The following NSD2 variants were observed in gnomAD, a reference collection of about 807,000 sequenced individuals.
The protein encoded by NSD2 is histone-lysine N-methyltransferase NSD2.
In NSD2, 12 loss-of-function variants were observed where a neutral mutation model predicts 139.0. The observed-to-expected ratio is 0.09, with a 90% CI of 0.06 to 0.14. The LOEUF (loss-of-function observed/expected upper bound fraction) is 0.14. NSD2 is among the 10% of genes least tolerant of loss of function. NSD2 has a pLI of 1.00. For synonymous variants in NSD2, 669 were observed against 648.7 expected (o/e 1.03, Z -0.48); for missense variants, 1,155 against 1,745.0 (o/e 0.66, Z 6.02).
rs577301572 is a variant in NSD2 at position 1,943,736 on chromosome 4, C to A, written c.1881+3958C>A. The A allele has an allele frequency of 4.1e-5, 43 of 1,055,598 alleles. No individual in the cohort carries two copies. In the South Asian group the frequency reaches 5.9e-4, roughly 15 times the overall value. The allele number at this position is 1,055,598 out of a possible 1,614,324, so 65.4% of individuals were successfully genotyped here. The stretch of plus-strand genomic sequence containing the variant: ...TAAAATTAAAATTCTCAAAAAAAAA[C>A]CCCACGAAATTTAAAGATGGGGAAA... On this transcript the variant is annotated intron_variant, in intron 9 of 21. Coordinates refer to ENST00000508803, the MANE Select transcript of NSD2 (RefSeq NM_001042424.3).
chr4:1,969,979 C>T (rs1002268005), intron 18 of NSD2, among the ~76,000 whole-genome samples: 4 of 152,106 alleles, frequency 2.6e-5, no homozygotes, highest in Non-Finnish European at 5.9e-5. Context: ...ACCACAAGAA[C>T]GGCACGAAGG....
chr4:1,936,294 A>G (rs1019883176), intron 7 of NSD2, among the ~76,000 whole-genome samples: 4 of 152,172 alleles, frequency 2.6e-5, no homozygotes, highest in Admixed American at 6.5e-5. Flanking sequence ...ATTCATTTCA[A>G]CTGTCTCAGA....
At chr4:1,910,389 C>T (rs1226230366) in intron 3 of NSD2, among the ~76,000 whole-genome samples, 3 of 151,984 alleles carry the variant, frequency 2.0e-5, no homozygotes, top group African/African-American at 7.3e-5. Context: ...CCACACCCGA[C>T]TAATTTTGTA....
intron 12 of NSD2, among the ~76,000 whole-genome samples, chr4:1,954,370 T>G (rs1338387128): frequency 3.9e-5 from 6 of 152,146 alleles, no homozygotes; most frequent in East Asian, 1.9e-4. Flanking sequence ...CTGACCTCTT[T>G]TCTTTTTTTT....
At chr4:1,884,874 C>T (rs891685213) in intron 1 of NSD2, among the ~76,000 whole-genome samples, 17 of 151,622 alleles carry the variant, frequency 1.1e-4, no homozygotes, top group African/African-American at 3.6e-4. Flanking sequence ...TTTGGGAGGC[C>T]GAGGCAGGCG....
Position 1,979,249 on chromosome 4 carries a change from T to G in NSD2, c.*340T>G. On this transcript the variant is annotated 3_prime_UTR_variant, in exon 22 of 22. Coordinates refer to ENST00000508803, the MANE Select transcript of NSD2 (RefSeq NM_001042424.3). ...AATTGGCATATGGAATGTTTTAATC[T>G]CCTCTGAAATGTGTAGCGTAGGCTT... is the stretch of plus-strand genomic sequence containing the variant. 3.6e-6 allele frequency: 1 copy of G among 277,604 alleles called. No homozygotes were observed. The highest frequency in any genetic ancestry group is 6.7e-6 in the Non-Finnish European group (1 of 148,514). 17.2% of individuals were successfully genotyped at this position (277,604 alleles called of 1,614,324 possible).
intron 1 of NSD2, among the ~76,000 whole-genome samples, chr4:1,874,079 A>G (rs1245607787): frequency 2.0e-5 from 3 of 152,230 alleles, no homozygotes; most frequent in African/African-American, 7.2e-5. Flanking sequence ...TTCTAAGTAA[A>G]TAATTAATCA....
chr4:1,936,667 CAAAAAA>C (rs879590049), intron 7 of NSD2, among the ~76,000 whole-genome samples: 6 of 52,490 alleles, frequency 1.1e-4, no homozygotes, highest in African/African-American at 2.8e-4. Context: ...GACTCCATCT[CAAAAAA>C]AAAAAAAAAA....
At chr4:1,957,191 G>A (rs893656173) in intron 15 of NSD2, among the ~76,000 whole-genome samples, 1 of 152,126 alleles carries the variant, frequency 6.6e-6, no homozygotes, top group Non-Finnish European at 1.5e-5. Context: ...CGGATTGTAG[G>A]GGTGTGTGTT....
chr4:1,925,494 G>A (rs1322971155), intron 5 of NSD2, among the ~76,000 whole-genome samples: 1 of 142,716 alleles, frequency 7.0e-6, no homozygotes, highest in African/African-American at 2.6e-5. Flanking sequence ...CTCCCCCCGG[G>A]TTCAAGCGAT....
rs1251092560 is a variant in NSD2 at position 1,953,359 on chromosome 4, A to G, written c.2173A>G (p.Thr725Ala). Residue 725 changes from threonine to alanine, a missense_variant, in exon 12 of 22, where the codon ACA becomes GCA. Transcript: ENST00000508803. ...ATGTTTCGTGTGTAAAGAGAGCAAG[A>G]CAGATGTTAAGCGCTGTGTGGTAAC... ...HSCFVCKESK[T>A]DVKRCVVTQC... The G allele has an allele frequency of 3.7e-6, 6 of 1,614,120 alleles. No homozygotes were observed. In the African/African-American group the frequency reaches 8.0e-5, roughly 22 times the overall value.
Position 1,972,603 on chromosome 4 carries a change from C to A in NSD2, c.3373-2260C>A, listed in dbSNP as rs1218623965. Among the ~76,000 whole-genome samples, 2 of 152,188 alleles carry A rather than the reference C, an allele frequency of 1.3e-5. No individual in the cohort carries two copies. The highest frequency in any genetic ancestry group is 2.9e-5 in the Non-Finnish European group (2 of 68,036). On this transcript the variant is annotated intron_variant, in intron 18 of 21. Transcript: ENST00000508803. The surrounding 1 kb of genome is among the most constrained non-coding windows in gnomAD (Gnocchi z 4.0). ...AGCCAGGGCCGGGCAGCCCACGTAC[C>A]ACGCACTGATGCCTCCCCTCACACC...
chr4:1,918,654 A>G, intron 5 of NSD2, 31 bp downstream of exon 5: 2 of 1,605,360 alleles, frequency 1.2e-6, no homozygotes, highest in South Asian at 1.1e-5. Context: ...CATGCTAGCA[A>G]GTTTCAGAAT....
Position 1,942,806 on chromosome 4 carries a change from C to T in NSD2, c.1881+3028C>T. 1 of 1,076,692 alleles carries T rather than the reference C, an allele frequency of 9.3e-7. No individual in the cohort carries two copies. The highest frequency in any genetic ancestry group is 1.1e-6 in the Non-Finnish European group (1 of 885,480). The allele number at this position is 1,076,692 out of a possible 1,614,324, so 66.7% of individuals were successfully genotyped here. ...CAGCGTCGCTACCCTCAGAAACAAA[C>T]TAACAGCACACGTTAGGAGGAGTCC... On this transcript the variant is annotated intron_variant, in intron 9 of 21. Transcript: ENST00000508803. The surrounding 1 kb of genome is among the most constrained non-coding windows in gnomAD (Gnocchi z 4.0).
At chr4:1,950,989 G>A (rs1216620688) in intron 9 of NSD2, 83 bp from the exon 10 acceptor site, 4 of 1,554,104 alleles carry the variant, frequency 2.6e-6, no homozygotes, top group Non-Finnish European at 3.5e-6. Flanking sequence ...GGTGGGGTGG[G>A]GCGGGACGAG....
At position 1,976,037 on chromosome 4, in the gene NSD2, C is replaced by T. The variant is rs570404268; in HGVS notation, c.3622-438C>T. ...AGCTCGGCCCTGAGCCGGTGTCTGT[C>T]CTCAGCCGTGTTGCTGAGGATGGTC... On this transcript the variant is annotated intron_variant, in intron 20 of 21. Coordinates refer to ENST00000508803, the MANE Select transcript of NSD2 (RefSeq NM_001042424.3). The surrounding 1 kb of genome is among the most constrained non-coding windows in gnomAD (Gnocchi z 5.3). Among the ~76,000 whole-genome samples the T allele has an allele frequency of 6.6e-6, 1 of 152,300 alleles. No individual in the cohort carries two copies. Among genetic ancestry groups the T allele is most frequent in the African/African-American group, 2.4e-5 (1 of 41,566 alleles).
At chr4:1,926,102 C>T (rs574990040) in intron 5 of NSD2, among the ~76,000 whole-genome samples, 13 of 151,188 alleles carry the variant, frequency 8.6e-5, no homozygotes, top group African/African-American at 2.9e-4. Flanking sequence ...TGCACCTGGC[C>T]GGCTCCAGTA....
At chr4:1,903,379 A>G (rs1717445187) in intron 2 of NSD2, among the ~76,000 whole-genome samples, 1 of 152,102 alleles carries the variant, frequency 6.6e-6, no homozygotes, top group Admixed American at 6.6e-5. Flanking sequence ...ATTATGTTCT[A>G]GAGATGGAGA....
chr4:1,903,620 C>G (rs1049989998), intron 2 of NSD2, among the ~76,000 whole-genome samples: 2 of 152,024 alleles, frequency 1.3e-5, no homozygotes, highest in Non-Finnish European at 2.9e-5. Context: ...CATTAAAGAC[C>G]GTCTATTAAT....
Sources: gnomAD v4.1 joint callset for allele counts (sites outside exome capture counted in the v4.1 genomes callset) on GRCh38, gnomAD v4.1.1 for gene constraint, Gnocchi (gnomAD v3.1) non-coding constraint, MANE v1.5 for transcripts, NCBI Gene and HGNC (gene_info 2026-07-23, HGNC 2026-07-21) for gene names.